GAS2: variants seen among roughly 807,000 people sequenced by gnomAD.
GAS2 encodes the protein growth arrest specific 2.
Under a neutral mutation model 37.5 loss-of-function variants are expected in GAS2, and 20 were observed. The ratio of observed to expected loss-of-function variants is 0.53; its 90% CI spans 0.37 to 0.77. The LOEUF (loss-of-function observed/expected upper bound fraction) is 0.77. Among genes scored for constraint, GAS2 ranks in the 30% least tolerant of loss-of-function variants. The probability of loss-of-function intolerance (pLI) is 0.00; values close to 1 mark genes in which losing one functional copy is unlikely to be tolerated. For missense variants in GAS2, 336 were observed against 373.4 expected (o/e 0.90, Z 0.82); for synonymous variants, 144 against 132.2 (o/e 1.09, Z -0.61).
chr11:22,777,919 A>G (rs949247172), intron 7 of GAS2, among the ~76,000 whole-genome samples: 4 of 152,226 alleles, frequency 2.6e-5, no homozygotes, highest in Admixed American at 2.6e-4. Context: ...TCTGCCAATT[A>G]GGAGGCTATT....
intron 2 of GAS2, among the ~76,000 whole-genome samples, chr11:22,678,063 C>G (rs1001999457): frequency 1.3e-5 from 2 of 151,900 alleles, no homozygotes; most frequent in African/African-American, 2.4e-5. Context: ...AAAAGGAATC[C>G]TAAAAGAATC....
chr11:22,667,836 AC>A (rs1849044003), intron 1 of GAS2, among the ~76,000 whole-genome samples: 1 of 152,060 alleles, frequency 6.6e-6, no homozygotes, highest in Admixed American at 6.5e-5. Context: ...CACAGTCTTT[AC>A]CCTCTCCATC....
chr11:22,663,907 T>A (rs1848945428), upstream of GAS2, among the ~76,000 whole-genome samples: 1 of 152,168 alleles, frequency 6.6e-6, no homozygotes, highest in Non-Finnish European at 1.5e-5. Flanking sequence ...TAGACTAAGA[T>A]GCTAGGTTGG....
In GAS2 at chr11:22,726,349, G is replaced by T. The variant is rs1156387746; in HGVS notation, c.325G>T (p.Ala109Ser). ...KTSAPSGSFF[A>S]RDNTANFLSW... ...CAGTGCACCCTCGGGCTCCTTTTTT[G>T]CCAGAGACAATACAGCAAATTTCTT... is the stretch of plus-strand genomic sequence containing the variant. Residue 109 changes from alanine (A) to serine (S), a missense_variant, in exon 4 of 8, where the codon GCC becomes TCC. Physicochemically the swap from Ala to Ser is moderately conservative, Grantham distance 99 (BLOSUM62 1). Coordinates refer to ENST00000454584, the MANE Select transcript of GAS2 (RefSeq NM_001143830.3). 2.5e-6 allele frequency: 4 copies of T among 1,611,126 alleles called. No homozygotes were observed. The South Asian group carries it at 4.4e-5, about 18-fold the overall frequency.
chr11:22,787,665 G>A (rs1471712986), intron 7 of GAS2, among the ~76,000 whole-genome samples: 2 of 152,172 alleles, frequency 1.3e-5, no homozygotes, highest in African/African-American at 4.8e-5. Context: ...GAAGCGTTGG[G>A]GGAAAAACAC....
intron 1 of GAS2, 140 bp from the exon 2 acceptor site, chr11:22,674,710 A>T: frequency 1.7e-6 from 1 of 582,900 alleles, no homozygotes; most frequent in Non-Finnish European, 2.8e-6. Context: ...TAAAGCAAAT[A>T]GTGTTTCATG....
At chr11:22,639,463 T>G (rs565152913) in intron 1 of GAS2, among the ~76,000 whole-genome samples, 1 of 152,308 alleles carries the variant, frequency 6.6e-6, no homozygotes, top group African/African-American at 2.4e-5. Context: ...TCTGTGGTAT[T>G]CTGTTATAGC....
chr11:22,725,385 G>A (rs1590714572), intron 3 of GAS2, among the ~76,000 whole-genome samples: 4 of 152,118 alleles, frequency 2.6e-5, no homozygotes, highest in South Asian at 4.1e-4. Flanking sequence ...ATATGCTATC[G>A]CTATATCCTG....
At chr11:22,775,741 T>C (rs1855225663) in intron 7 of GAS2, among the ~76,000 whole-genome samples, 1 of 152,180 alleles carries the variant, frequency 6.6e-6, no homozygotes, top group Admixed American at 6.5e-5. Context: ...AAGCACAGAC[T>C]AGTGCTCCTA....
chr11:22,789,718 G>A (rs1856048840), intron 7 of GAS2, among the ~76,000 whole-genome samples: 2 of 151,376 alleles, frequency 1.3e-5, no homozygotes, highest in Non-Finnish European at 2.9e-5. Context: ...GCCCGCCTTG[G>A]CCTCCCAAAG....
chr11:22,659,717 C>T (rs1848894522), intron 1 of GAS2, among the ~76,000 whole-genome samples: 1 of 152,002 alleles, frequency 6.6e-6, no homozygotes, highest in Non-Finnish European at 1.5e-5. Flanking sequence ...ATTTTATTAT[C>T]ACATTTTAAC....
intron 7 of GAS2, among the ~76,000 whole-genome samples, chr11:22,781,264 G>A (rs1180303627): frequency 2.0e-5 from 3 of 152,108 alleles, no homozygotes; most frequent in African/African-American, 7.3e-5. Context: ...GCTATTCACT[G>A]AGGTGGGGAT....
In GAS2 at chr11:22,789,423, G is replaced by GATATATATAT. The variant is rs1491294585; in HGVS notation, c.724-22374_724-22373insTATATATATA. On this transcript the variant is annotated intron_variant, in intron 7 of 7. Coordinates refer to ENST00000454584, the MANE Select transcript of GAS2 (RefSeq NM_001143830.3). ...GTGTGTATGTGTGTGTATCTCATATGAGATATATATATATATATATATATA... is the reference window on the plus strand; with the variant it reads ...GTGTGTATGTGTGTGTATCTCATATGATATATATATAGATATATATATATATATATATATA... Among the ~76,000 whole-genome samples, 33 of 71,160 alleles carry GATATATATAT rather than the reference G, an allele frequency of 4.6e-4. 3 individuals carry two copies. In the East Asian group the frequency reaches 9.7e-3, roughly 21 times the overall value. The allele number at this position is 71,160 out of a possible 152,430, so 46.7% of individuals were successfully genotyped here.
intron 3 of GAS2, among the ~76,000 whole-genome samples, chr11:22,712,652 C>G (rs1851463049): frequency 6.6e-6 from 1 of 152,130 alleles, no homozygotes; most frequent in African/African-American, 2.4e-5. Flanking sequence ...TTCTATGACA[C>G]CCACAAAAGA....
At chr11:22,694,486 A>C (rs1850401539) in intron 3 of GAS2, among the ~76,000 whole-genome samples, 1 of 152,194 alleles carries the variant, frequency 6.6e-6, no homozygotes, top group Non-Finnish European at 1.5e-5. Flanking sequence ...TTCACCCTTT[A>C]GTGAAAAATA....
At chr11:22,637,002 ATATT>A (rs1213523721) in intron 1 of GAS2, among the ~76,000 whole-genome samples, 3 of 138,176 alleles carry the variant, frequency 2.2e-5, no homozygotes, top group African/African-American at 7.9e-5. Context: ...TATAATATAA[ATATT>A]TATATTATTA....
intron 6 of GAS2, among the ~76,000 whole-genome samples, chr11:22,754,169 C>T (rs1166463601): frequency 6.6e-6 from 1 of 151,964 alleles, no homozygotes; most frequent in African/African-American, 2.4e-5. Context: ...TTTTAAGGTT[C>T]TTTGAATCCA....
At chr11:22,642,531 A>C (rs149465432) in intron 1 of GAS2, among the ~76,000 whole-genome samples, 1,524 of 152,150 alleles carry the variant, frequency 0.01, 14 homozygotes, top group Non-Finnish European at 0.015. Flanking sequence ...CATTCCTCAC[A>C]CTCTTTAAGG....
intron 2 of GAS2, among the ~76,000 whole-genome samples, chr11:22,678,539 G>C (rs753090671): frequency 6.6e-6 from 1 of 151,798 alleles, no homozygotes; most frequent in African/African-American, 2.4e-5. Context: ...TGAATTCCTA[G>C]GTGAGGTAGA....
Sources: gnomAD v4.1 joint callset for allele counts (sites outside exome capture counted in the v4.1 genomes callset) on GRCh38, gnomAD v4.1.1 for gene constraint, MANE v1.5 for transcripts, NCBI Gene and HGNC (gene_info 2026-07-23, HGNC 2026-07-21) for gene names.